CENPP: variants seen among roughly 807,000 people sequenced by gnomAD.
CENPP encodes centromere protein P.
Under a neutral mutation model 35.6 loss-of-function variants are expected in CENPP, and 24 were observed. The ratio of observed to expected loss-of-function variants is 0.67; its 90% CI spans 0.49 to 0.95. CENPP has a LOEUF of 0.95. CENPP is among the 40% of genes least tolerant of loss of function. The probability of loss-of-function intolerance (pLI) is 0.00; values close to 1 mark genes in which losing one functional copy is unlikely to be tolerated. For missense variants in CENPP, 332 were observed against 345.3 expected (o/e 0.96, Z 0.31); for synonymous variants, 120 against 125.5 (o/e 0.96, Z 0.29).
chr9:92,417,093 A>G, intron 5 of CENPP: 1 of 1,613,744 alleles, frequency 6.2e-7, no homozygotes, highest in Non-Finnish European at 8.5e-7. Context: ...GGAAATGGAA[A>G]TTCTTCTAAA....
intron 5 of CENPP, among the ~76,000 whole-genome samples, chr9:92,413,583 T>A (rs543660803): frequency 6.6e-6 from 1 of 152,334 alleles, no homozygotes; most frequent in South Asian, 2.1e-4. Context: ...TGAATTTATA[T>A]CCTGTATTTA....
intron 5 of CENPP, among the ~76,000 whole-genome samples, chr9:92,462,670 A>G (rs1924244): frequency 0.4 from 60,863 of 152,058 alleles, 14,161 homozygotes; most frequent in African/African-American, 0.64. Flanking sequence ...ATCTATTTTG[A>G]ATTTTAAAAT....
intron 4 of CENPP, among the ~76,000 whole-genome samples, chr9:92,352,057 T>TTTATTTG (rs1466110102): frequency 6.7e-6 from 1 of 150,016 alleles, no homozygotes; most frequent in Non-Finnish European, 1.5e-5. Context: ...CCACACAAGC[T>TTTATTTG]TTATTTGCAC....
At chr9:92,582,851 G>C (rs1850461116) in intron 5 of CENPP, among the ~76,000 whole-genome samples, 2 of 152,160 alleles carry the variant, frequency 1.3e-5, no homozygotes, top group African/African-American at 4.8e-5. Flanking sequence ...TAGGGCCTGG[G>C]AAGAGGAATG....
intron 5 of CENPP, chr9:92,517,458 A>C (rs1223225010): frequency 9.7e-6 from 6 of 618,256 alleles, no homozygotes; most frequent in African/African-American, 9.3e-5. Flanking sequence ...AATCTCATCC[A>C]AGTTTACTGA....
In CENPP at chr9:92,611,386, C is replaced by A. The variant is rs144646695; in HGVS notation, c.637C>A (p.Arg213=). 1.2e-5 allele frequency: 19 copies of A among 1,612,648 alleles called. No homozygotes were observed. Among genetic ancestry groups the A allele is most frequent in the Non-Finnish European group, 1.6e-5 (19 of 1,179,852 alleles). The change falls in exon 6 of 8, where the codon CGG becomes AGG. Residue 213 remains arginine (R), a synonymous_variant. Transcript: ENST00000375587. ...CTCCATGGGGATCCGCAGCGCCAGC[C>A]GGCCAGGGTGAGCCTGCACAGGCCA... ...SCSMGIRSAS[R]PGFELVIVWR...
rs138911783 is a variant in CENPP at position 92,557,317 on chromosome 9, G to A, written c.565-53997G>A. The stretch of plus-strand genomic sequence containing the variant: ...TGTGCCTAGGCAAAGATCATTTTGC[G>A]ATGAATTTCCCAGGTGTTCTTTGTG... On this transcript the variant is annotated intron_variant, in intron 5 of 7. Transcript: ENST00000375587. 1.7e-3 allele frequency among the ~76,000 whole-genome samples: 261 copies of A among 152,268 alleles called. 1 individual carries two copies. Among genetic ancestry groups the A allele is most frequent in the African/African-American group, 5.9e-3 (246 of 41,544 alleles).
At chr9:92,525,863 C>A (rs896524216) in intron 5 of CENPP, among the ~76,000 whole-genome samples, 6 of 131,238 alleles carry the variant, frequency 4.6e-5, no homozygotes, top group African/African-American at 1.8e-4. Context: ...TATGCACCAC[C>A]ATGCCCAGAG....
At chr9:92,342,098 A>G (rs956521372) in intron 3 of CENPP, among the ~76,000 whole-genome samples, 14 of 152,258 alleles carry the variant, frequency 9.2e-5, no homozygotes, top group Non-Finnish European at 2.9e-5. Flanking sequence ...TCATGGCACA[A>G]TGATCACATT....
At chr9:92,430,448 A>G (rs1386772198) in intron 5 of CENPP, among the ~76,000 whole-genome samples, 1 of 150,350 alleles carries the variant, frequency 6.7e-6, no homozygotes, top group Non-Finnish European at 1.5e-5. Context: ...TTTAAGATGA[A>G]GTCATTCAAG....
chr9:92,511,718 G>T (rs907435622), intron 5 of CENPP, among the ~76,000 whole-genome samples: 3 of 152,126 alleles, frequency 2.0e-5, no homozygotes, highest in African/African-American at 7.2e-5. Context: ...TAAAAGACCA[G>T]ATTTTAGCAT....
intron 5 of CENPP, among the ~76,000 whole-genome samples, chr9:92,514,420 A>G (rs1347302326): frequency 1.3e-5 from 2 of 151,878 alleles, no homozygotes; most frequent in Admixed American, 1.3e-4. Flanking sequence ...GATTACAGGC[A>G]TGCCCCACCA....
At chr9:92,342,917 C>T (rs983594580) in intron 3 of CENPP, among the ~76,000 whole-genome samples, 17 of 152,164 alleles carry the variant, frequency 1.1e-4, no homozygotes, top group Admixed American at 2.0e-4. Flanking sequence ...AAATTGCCTT[C>T]TAAAATAGTT....
chr9:92,407,254 A>G (rs1295745205), intron 5 of CENPP, among the ~76,000 whole-genome samples: 2 of 152,158 alleles, frequency 1.3e-5, no homozygotes, highest in African/African-American at 2.4e-5. Context: ...CTGATACTAC[A>G]TAACCCAAAT....
At position 92,500,860 on chromosome 9, in the gene CENPP, G is replaced by A. The variant is rs1367908869; in HGVS notation, c.565-110454G>A. 12 of 1,614,080 alleles carry A rather than the reference G, an allele frequency of 7.4e-6. No homozygotes were observed. Among genetic ancestry groups the A allele is most frequent in the African/African-American group, 2.7e-5 (2 of 74,986 alleles). On this transcript the variant is annotated intron_variant, in intron 5 of 7. Transcript: ENST00000375587. ...TGATATGCCCCATAGAAGGAGACACGGTCCATGCCATCATCAGCAAGTTTG... is the reference window on the plus strand; with the variant it reads ...TGATATGCCCCATAGAAGGAGACACAGTCCATGCCATCATCAGCAAGTTTG...
intron 3 of CENPP, chr9:92,340,425 T>C (rs1841076242): frequency 6.6e-6 from 1 of 152,164 alleles, no homozygotes; most frequent in Non-Finnish European, 1.5e-5. Context: ...AGTTGCATAC[T>C]TCAGTCACCT....
intron 5 of CENPP, among the ~76,000 whole-genome samples, chr9:92,512,905 A>G (rs967105214): frequency 6.6e-6 from 1 of 152,204 alleles, no homozygotes; most frequent in African/African-American, 2.4e-5. Flanking sequence ...TATAGGCCAC[A>G]GGAGGAAGGG....
In CENPP at chr9:92,416,319, C is replaced by T. The variant is rs562399866; in HGVS notation, c.564+36460C>T. Among the ~76,000 whole-genome samples the T allele has an allele frequency of 4.6e-5, 7 of 151,686 alleles. No homozygotes were observed. In the East Asian group the frequency reaches 1.2e-3, roughly 25 times the overall value. On this transcript the variant is annotated intron_variant, in intron 5 of 7. Transcript: ENST00000375587. ...TTCACTATATTGACCAGGCTGATCTCGAACTCCTGGCCTCAAGTGATCCAC... is the reference window on the plus strand; with the variant it reads ...TTCACTATATTGACCAGGCTGATCTTGAACTCCTGGCCTCAAGTGATCCAC...
intron 5 of CENPP, among the ~76,000 whole-genome samples, chr9:92,578,881 T>C (rs1850350561): frequency 6.6e-6 from 1 of 152,242 alleles, no homozygotes; most frequent in African/African-American, 2.4e-5. Flanking sequence ...TGCCCATGCC[T>C]ATGTCCTGAA....
Sources: gnomAD v4.1 joint callset for allele counts (sites outside exome capture counted in the v4.1 genomes callset) on GRCh38, gnomAD v4.1.1 for gene constraint, MANE v1.5 for transcripts, NCBI Gene and HGNC (gene_info 2026-07-23, HGNC 2026-07-21) for gene names.